PAPPA2: variants seen among roughly 807,000 people sequenced by gnomAD.
PAPPA2 encodes the protein pappalysin-2.
PAPPA2 carries 86 observed loss-of-function variants against 176.4 expected under a neutral mutation model. That is an observed-to-expected ratio of 0.49 (90% CI 0.41 to 0.58). PAPPA2 has a LOEUF of 0.58. PAPPA2 is among the 20% of genes least tolerant of loss of function. The probability of loss-of-function intolerance (pLI) is 0.00; values close to 1 mark genes in which losing one functional copy is unlikely to be tolerated. For synonymous variants in PAPPA2, 809 were observed against 852.2 expected, an observed-to-expected ratio of 0.95 and a Z score of 0.88; for missense variants, 2,073 against 2,256.9, an observed-to-expected ratio of 0.92 and a Z score of 1.65.
At chr1:176,638,427 G>A (rs180806414) in intron 3 of PAPPA2, among the ~76,000 whole-genome samples, 7 of 152,088 alleles carry the variant, frequency 4.6e-5, no homozygotes, top group Admixed American at 3.3e-4. Context: ...GTTGAGCTCC[G>A]GTAGAAGGCT....
chr1:176,785,575 C>T (rs1664899093), intron 17 of PAPPA2, among the ~76,000 whole-genome samples: 1 of 152,308 alleles, frequency 6.6e-6, no homozygotes, highest in South Asian at 2.1e-4. Context: ...TCTCTGCCAA[C>T]CCCTCCCAAC....
chr1:176,504,042 C>T (rs1648111676), intron 1 of PAPPA2, among the ~76,000 whole-genome samples: 1 of 152,026 alleles, frequency 6.6e-6, no homozygotes, highest in African/African-American at 2.4e-5. Context: ...TCTCTGGAAA[C>T]TATGAAGAAC....
chr1:176,540,952 T>C (rs12068709), intron 1 of PAPPA2, among the ~76,000 whole-genome samples: 5,927 of 152,246 alleles, frequency 0.039, 374 homozygotes, highest in African/African-American at 0.13. Context: ...TTTTCAGTGA[T>C]AATTTGAGGC....
At chr1:176,522,642 CTGAG>C (rs1649274619) in intron 1 of PAPPA2, among the ~76,000 whole-genome samples, 1 of 152,224 alleles carries the variant, frequency 6.6e-6, no homozygotes, top group Admixed American at 6.5e-5. Flanking sequence ...CTCTCTCTCT[CTGAG>C]TGTTAGGCAA....
At chr1:176,744,161 C>T (rs1343889067) in intron 14 of PAPPA2, among the ~76,000 whole-genome samples, 1 of 151,980 alleles carries the variant, frequency 6.6e-6, no homozygotes, top group Non-Finnish European at 1.5e-5. Context: ...TTTTTGTGAG[C>T]CTTTTATCTT....
At chr1:176,580,037 A>G (rs1425230749) in intron 2 of PAPPA2, among the ~76,000 whole-genome samples, 1 of 152,138 alleles carries the variant, frequency 6.6e-6, no homozygotes, top group South Asian at 2.1e-4. Flanking sequence ...TCTTCTAGCT[A>G]TTAAAAAATA....
At chr1:176,505,993 A>T (rs1648240788) in intron 1 of PAPPA2, among the ~76,000 whole-genome samples, 1 of 152,048 alleles carries the variant, frequency 6.6e-6, no homozygotes, top group African/African-American at 2.4e-5. Flanking sequence ...TCTTGTTAAG[A>T]ACTTGGGGCA....
chr1:176,541,886 G>A (rs935410278), intron 1 of PAPPA2, among the ~76,000 whole-genome samples: 22 of 152,176 alleles, frequency 1.4e-4, no homozygotes, highest in East Asian at 5.8e-4. Context: ...AATCAGCCTC[G>A]TTTGGAGCTG....
chr1:176,635,682 G>A (rs748572820), intron 3 of PAPPA2, among the ~76,000 whole-genome samples: 18 of 151,658 alleles, frequency 1.2e-4, no homozygotes, highest in Non-Finnish European at 2.7e-4. Context: ...AATTCTTCCT[G>A]GATTTGTTCT....
intron 11 of PAPPA2, 90 bp from the exon 12 acceptor site, chr1:176,711,745 A>G (rs1194768534): frequency 1.5e-5 from 21 of 1,408,326 alleles, no homozygotes; most frequent in Non-Finnish European, 2.1e-5. Context: ...GAAAGAGAGA[A>G]CAACTTTGCT....
In PAPPA2 at chr1:176,731,603, T is replaced by C. The variant is rs144237587; in HGVS notation, c.3799-8023T>C. Reference sequence around the variant, plus strand: ...CTGGAATTACAGAAGTGAGCCACCATGCCCGGCATAATGTAATACTTTGAG... The same window carrying C: ...CTGGAATTACAGAAGTGAGCCACCACGCCCGGCATAATGTAATACTTTGAG... On this transcript the variant is annotated intron_variant, in intron 12 of 22. Transcript: ENST00000367662. Among the ~76,000 whole-genome samples, 59 of 152,104 alleles carry C rather than the reference T, an allele frequency of 3.9e-4. 1 individual carries two copies. The Middle Eastern group carries it at 0.01, about 26-fold the overall frequency.
At chr1:176,553,198 A>T (rs909615120) in intron 1 of PAPPA2, among the ~76,000 whole-genome samples, 8 of 143,162 alleles carry the variant, frequency 5.6e-5, no homozygotes, top group Non-Finnish European at 4.5e-5. Flanking sequence ...TGTCAAACAG[A>T]TGGGATCATT....
chr1:176,540,969 T>C (rs867700042), intron 1 of PAPPA2, among the ~76,000 whole-genome samples: 2 of 152,332 alleles, frequency 1.3e-5, no homozygotes, highest in South Asian at 4.1e-4. Context: ...AGGCACATTA[T>C]GTGGCATTTG....
intron 4 of PAPPA2, among the ~76,000 whole-genome samples, chr1:176,676,889 A>G (rs1659326911): frequency 6.6e-6 from 1 of 152,126 alleles, no homozygotes. Context: ...TCAAATTTAA[A>G]TGGTTTCAAG....
intron 21 of PAPPA2, among the ~76,000 whole-genome samples, chr1:176,821,261 G>A (rs1485840114): frequency 6.6e-6 from 1 of 152,134 alleles, no homozygotes; most frequent in Non-Finnish European, 1.5e-5. Flanking sequence ...AGTATAAGCC[G>A]ATAATACAAT....
intron 21 of PAPPA2, among the ~76,000 whole-genome samples, chr1:176,801,545 C>G (rs946914809): frequency 1.3e-5 from 2 of 152,012 alleles, no homozygotes; most frequent in African/African-American, 2.4e-5. Flanking sequence ...TGTGGGCCAA[C>G]AAAACAGCTC....
intron 6 of PAPPA2, among the ~76,000 whole-genome samples, 184 bp downstream of exon 6, chr1:176,692,502 T>TAA (rs1660164808): frequency 4.6e-5 from 7 of 152,316 alleles, no homozygotes; most frequent in Non-Finnish European, 8.8e-5. Flanking sequence ...TGGGCTCTCT[T>TAA]GTGAGCCAGT....
At chr1:176,679,398 C>T (rs977579015) in intron 4 of PAPPA2, among the ~76,000 whole-genome samples, 3 of 151,970 alleles carry the variant, frequency 2.0e-5, no homozygotes, top group Non-Finnish European at 4.4e-5. Context: ...CCCAAATACC[C>T]CAAAATTAAC....
chr1:176,733,884 C>G (rs1178373529), intron 12 of PAPPA2, among the ~76,000 whole-genome samples: 1 of 152,036 alleles, frequency 6.6e-6, no homozygotes, highest in Non-Finnish European at 1.5e-5. Flanking sequence ...GTGTCAGCAT[C>G]CCACAGAGAG....
Sources: gnomAD v4.1 joint callset for allele counts (sites outside exome capture counted in the v4.1 genomes callset) on GRCh38, gnomAD v4.1.1 for gene constraint, MANE v1.5 for transcripts, NCBI Gene and HGNC (gene_info 2026-07-23, HGNC 2026-07-21) for gene names.